Variants in ODAD3 observed in about 807,000 individuals in gnomAD.
The protein encoded by ODAD3 is outer dynein arm-docking complex subunit 3.
ODAD3 carries 57 observed loss-of-function variants against 70.9 expected under a neutral mutation model. The observed-to-expected ratio is 0.80, with a 90% CI of 0.65 to 1.00. The LOEUF (loss-of-function observed/expected upper bound fraction) is 1.00, where lower values mean the gene tolerates loss of function less well. Ranked by LOEUF, ODAD3 falls within the 50% of genes least tolerant of loss-of-function variation. ODAD3 has a pLI of 0.00. For synonymous variants in ODAD3, 327 were observed against 315.9 expected (o/e 1.04, Z -0.37); for missense variants, 797 against 763.9 (o/e 1.04, Z -0.51).
chr19:11,430,937 T>G lies in ODAD3; in HGVS notation c.328A>C (p.Thr110Pro). The stretch of plus-strand genomic sequence containing the variant: ...AGCAGCTTTAGTTCCAGTGCCTTAG[T>G]CTCCTTGCGGAGCTGACTGATGGTC... ...QETISQLRKE[T>P]KALELKLLDL... The change falls in exon 2 of 13, where the codon ACT (threonine) becomes CCT (proline). Residue 110 changes from threonine (T) to proline (P), a missense_variant. By Grantham distance (38) the Thr-to-Pro change is conservative. Coordinates refer to ENST00000356392, the MANE Select transcript of ODAD3 (RefSeq NM_145045.5). 1.2e-6 allele frequency: 2 copies of G among 1,614,014 alleles called. No individual in the cohort carries two copies. Among genetic ancestry groups the G allele is most frequent in the Non-Finnish European group, 1.7e-6 (2 of 1,180,016 alleles).
chr19:11,425,278 T>A (rs970482593), intron 7 of ODAD3, among the ~76,000 whole-genome samples: 1 of 142,510 alleles, frequency 7.0e-6, no homozygotes, highest in Non-Finnish European at 1.5e-5. Context: ...TATATGTGTG[T>A]ATATGTACAT....
chr19:11,428,535 G>A (rs1158213281), intron 3 of ODAD3, among the ~76,000 whole-genome samples: 10 of 150,198 alleles, frequency 6.7e-5, no homozygotes, highest in Admixed American at 6.0e-4. Flanking sequence ...GAGCCATCAC[G>A]CCCAGCCTTT....
intron 3 of ODAD3, among the ~76,000 whole-genome samples, chr19:11,429,998 T>C (rs1247242001): frequency 6.6e-6 from 1 of 151,808 alleles, no homozygotes; most frequent in Non-Finnish European, 1.5e-5. Context: ...CCACTGGTCA[T>C]TGTTTTCGTT....
At chr19:11,423,801 C>G in intron 8 of ODAD3, 76 bp downstream of exon 8, 1 of 1,478,068 alleles carries the variant, frequency 6.8e-7, no homozygotes. Context: ...GTGTCGGTTT[C>G]ACCGGCTTAG....
upstream of ODAD3, chr19:11,435,227 T>G (rs1465379244): frequency 2.9e-6 from 4 of 1,403,332 alleles, no homozygotes; most frequent in African/African-American, 4.3e-5. Flanking sequence ...GTTCCGTGGC[T>G]GACACTGCGT....
upstream of ODAD3, chr19:11,435,375 CT>C (rs1969656782): frequency 6.6e-6 from 3 of 453,054 alleles, no homozygotes; most frequent in Admixed American, 1.1e-4. Flanking sequence ...TATCCCGCCC[CT>C]GGGGGTTCGC....
At chr19:11,425,624 T>TATACGCCTATATGCATATACGCATATAC (rs1969346408) in intron 7 of ODAD3, among the ~76,000 whole-genome samples, 1 of 141,328 alleles carries the variant, frequency 7.1e-6, no homozygotes, top group African/African-American at 2.9e-5. Context: ...TATGCATATA[T>TATACGCCTATATGCATATACGCATATAC]GCATATATGT....
At chr19:11,431,166 C>T (rs776621001) in intron 1 of ODAD3, 146 bp from the exon 2 acceptor site, 5 of 1,018,560 alleles carry the variant, frequency 4.9e-6, no homozygotes, top group Admixed American at 2.5e-5. Flanking sequence ...GGCTGCAGTG[C>T]AATGGTGCAA....
chr19:11,435,138 G>C (rs1330605130), upstream of ODAD3: 9 of 1,455,794 alleles, frequency 6.2e-6, no homozygotes, highest in Admixed American at 1.1e-4. Flanking sequence ...CGACCGCTAG[G>C]TGGTTGCGCT....
intron 1 of ODAD3, among the ~76,000 whole-genome samples, chr19:11,432,817 G>A (rs1315064185): frequency 1.3e-5 from 2 of 150,242 alleles, no homozygotes; most frequent in East Asian, 3.9e-4. Context: ...TTTTTAAGAC[G>A]GAATCTCACT....
chr19:11,422,861 A>T lies in ODAD3; in HGVS notation c.1117T>A (p.Ser373Thr). 1 of 1,601,912 alleles carries T rather than the reference A, an allele frequency of 6.2e-7. No homozygotes were observed. The highest frequency in any genetic ancestry group is 8.5e-7 in the Non-Finnish European group (1 of 1,179,602). The change falls in exon 9 of 13, where the codon TCG becomes ACG. Residue 373 changes from serine (S) to threonine (T), a missense_variant and splice_region_variant. Coordinates refer to ENST00000356392, the MANE Select transcript of ODAD3 (RefSeq NM_145045.5). This position sits in a 1 kb window ranked among gnomAD's most constrained non-coding sequence, Gnocchi z 4.6. ...KDATGTDETH[S>T]LVRRFLAQGD... ...TGGGCCAGGAACCGCCGCACCAACG[A>T]CTGCGGGCCACCCAGCCCCAGTCAG...
chr19:11,435,588 T>C, upstream of ODAD3: 2 of 924,410 alleles, frequency 2.2e-6, no homozygotes, highest in Non-Finnish European at 3.0e-6. Context: ...CCGTTCCCGG[T>C]GCGGAACGTA....
chr19:11,434,553 A>C, intron 1 of ODAD3: 5 of 360,210 alleles, frequency 1.4e-5, no homozygotes, highest in East Asian at 5.1e-5. Context: ...AAAAAAAAAT[A>C]GAGAAAATAA....
intron 7 of ODAD3, among the ~76,000 whole-genome samples, chr19:11,425,137 G>T (rs1011412524): frequency 1.6e-5 from 2 of 128,642 alleles, no homozygotes. Context: ...GTGTATATGT[G>T]TATATGTACA....
chr19:11,423,844 G>A (rs755883697), intron 8 of ODAD3, 33 bp downstream of exon 8: 2 of 1,134,086 alleles, frequency 1.8e-6, no homozygotes, highest in Non-Finnish European at 2.5e-6. Flanking sequence ...GTGGGGGGGG[G>A]GCGCGGCGGA....
rs1235116616 is a variant in ODAD3 at position 11,431,164 on chromosome 19, T to C, written c.245-144A>G. The stretch of plus-strand genomic sequence containing the variant: ...TTCACTCTTGTTGCCCAGGCTGCAG[T>C]GCAATGGTGCAATCTCGGCTCACCA... On this transcript the variant is annotated intron_variant, in intron 1 of 12. Coordinates refer to ENST00000356392, the MANE Select transcript of ODAD3 (RefSeq NM_145045.5). 3.9e-6 allele frequency: 4 copies of C among 1,018,612 alleles called. No homozygotes were observed. In the South Asian group the frequency reaches 4.8e-5, roughly 12 times the overall value. 63.1% of individuals were successfully genotyped at this position (1,018,612 alleles called of 1,614,324 possible). A position where few individuals can be genotyped will look rare whatever the true frequency, so the allele number is the denominator to read the frequency against.
At position 11,422,943 on chromosome 19, in the gene ODAD3, C is replaced by A; in HGVS notation, c.1117-82G>T. On this transcript the variant is annotated intron_variant, in intron 8 of 12. Transcript: ENST00000356392. This position sits in a 1 kb window ranked among gnomAD's most constrained non-coding sequence, Gnocchi z 4.6. ...ACCTCCTCTCCCCCACCCTGCGAAC[C>A]CTCGCACGCAGGACAGGTGGCCTGA... 1 of 1,485,394 alleles carries A rather than the reference C, an allele frequency of 6.7e-7. No homozygotes were observed. The highest frequency in any genetic ancestry group is 1.2e-5 in the South Asian group (1 of 81,452). The allele number at this position is 1,485,394 out of a possible 1,614,324, so 92.0% of individuals were successfully genotyped here.
At chr19:11,425,352 T>C (rs1969309667) in intron 7 of ODAD3, among the ~76,000 whole-genome samples, 1 of 138,664 alleles carries the variant, frequency 7.2e-6, no homozygotes, top group Non-Finnish European at 1.5e-5. Flanking sequence ...TGTATATATG[T>C]GTATATGTAC....
intron 7 of ODAD3, among the ~76,000 whole-genome samples, chr19:11,424,681 ATACCTATG>A (rs1969231894): frequency 1.9e-4 from 12 of 64,488 alleles, no homozygotes; most frequent in Non-Finnish European, 2.2e-4. Context: ...ATGTGTATAT[ATACCTATG>A]TGTATATATG....
Sources: gnomAD v4.1 joint callset for allele counts (sites outside exome capture counted in the v4.1 genomes callset) on GRCh38, gnomAD v4.1.1 for gene constraint, Gnocchi (gnomAD v3.1) non-coding constraint, MANE v1.5 for transcripts, NCBI Gene and HGNC (gene_info 2026-07-23, HGNC 2026-07-21) for gene names.